NGLY1: variants seen among roughly 807,000 people sequenced by gnomAD.
NGLY1 encodes peptide-N(4)-(N-acetyl-beta-glucosaminyl)asparagine amidase.
NGLY1 carries 68 observed loss-of-function variants against 84.6 expected under a neutral mutation model. The ratio of observed to expected loss-of-function variants is 0.80; its 90% CI spans 0.66 to 0.98. The LOEUF (loss-of-function observed/expected upper bound fraction) is 0.98, where lower values mean the gene tolerates loss of function less well. NGLY1 is among the 50% of genes least tolerant of loss of function. The pLI, the probability that NGLY1 is intolerant of heterozygous loss-of-function variation, is 0.00. For synonymous variants in NGLY1, 280 were observed against 275.2 expected (o/e 1.02, Z -0.17); for missense variants, 779 against 770.2 (o/e 1.01, Z -0.14).
At chr3:25,763,412 G>C (rs975832236) in intron 3 of NGLY1, among the ~76,000 whole-genome samples, 1 of 152,164 alleles carries the variant, frequency 6.6e-6, no homozygotes, top group African/African-American at 2.4e-5. Flanking sequence ...TGTTAAGTGA[G>C]CTTCTGTAAC....
At chr3:25,755,453 G>GTTGAGT in intron 3 of NGLY1, 1 of 1,467,154 alleles carries the variant, frequency 6.8e-7, no homozygotes, top group Non-Finnish European at 9.6e-7. Context: ...TCCAATGTCA[G>GTTGAGT]TGACAAGCCA....
chr3:25,749,324 A>G (rs931576599), intron 4 of NGLY1, among the ~76,000 whole-genome samples: 1 of 152,278 alleles, frequency 6.6e-6, no homozygotes, highest in Non-Finnish European at 1.5e-5. Context: ...TATTCACAAT[A>G]GCCAAAATAT....
chr3:25,728,665 T>C (rs1477028643), intron 10 of NGLY1, among the ~76,000 whole-genome samples: 1 of 152,112 alleles, frequency 6.6e-6, no homozygotes, highest in Non-Finnish European at 1.5e-5. Flanking sequence ...TCATCCACAT[T>C]CTTTGAAGTG....
intron 5 of NGLY1, 90 bp downstream of exon 5, chr3:25,739,487 A>G (rs1442450040): frequency 8.1e-7 from 1 of 1,233,458 alleles, no homozygotes. Context: ...TATTTCTGAT[A>G]ATTAAATATT....
At chr3:25,751,025 T>C (rs1706717444) in intron 4 of NGLY1, 73 bp downstream of exon 4, 1 of 1,449,982 alleles carries the variant, frequency 6.9e-7, no homozygotes, top group Non-Finnish European at 9.4e-7. Flanking sequence ...CAAGGGTCAG[T>C]TGTATTTCAG....
chr3:25,766,381 A>C (rs892544958), intron 2 of NGLY1, among the ~76,000 whole-genome samples: 6 of 152,064 alleles, frequency 3.9e-5, no homozygotes, highest in African/African-American at 1.2e-4. Context: ...CTCACATGAA[A>C]ATACAAAGGC....
chr3:25,785,549 A>G (rs1575673396), upstream of NGLY1, among the ~76,000 whole-genome samples: 1 of 150,434 alleles, frequency 6.6e-6, no homozygotes, highest in Non-Finnish European at 1.5e-5. Flanking sequence ...ATAAAATTTT[A>G]GGGGCTGGAC....
At chr3:25,764,370 T>G in intron 2 of NGLY1, 59 bp from the exon 3 acceptor site, 1 of 1,533,842 alleles carries the variant, frequency 6.5e-7, no homozygotes, top group Non-Finnish European at 8.9e-7. Context: ...CATTCTTTTG[T>G]GCACACACAC....
At chr3:25,725,903 T>C (rs921480145) in intron 10 of NGLY1, among the ~76,000 whole-genome samples, 3 of 152,196 alleles carry the variant, frequency 2.0e-5, no homozygotes, top group African/African-American at 4.8e-5. Context: ...TTTACCCCCA[T>C]TAATCTAAAC....
chr3:25,741,469 TA>T (rs940009041), intron 4 of NGLY1, among the ~76,000 whole-genome samples: 6 of 151,134 alleles, frequency 4.0e-5, no homozygotes, highest in South Asian at 2.1e-4. Flanking sequence ...TATAGTTCAT[TA>T]AAAAAAAACT....
intron 1 of NGLY1, chr3:25,782,903 C>G: frequency 4.3e-6 from 1 of 234,240 alleles, no homozygotes; most frequent in Non-Finnish European, 8.5e-6. Flanking sequence ...CGTTGTGTCC[C>G]GATATCTGAG....
chr3:25,732,304 G>A lies in NGLY1; in HGVS notation c.1425+15C>T. 1.2e-6 allele frequency: 2 copies of A among 1,611,204 alleles called. No individual in the cohort carries two copies. The highest frequency in any genetic ancestry group is 1.7e-6 in the Non-Finnish European group (2 of 1,178,290). ...GGAAAGTAAAAGGATCATCATGCTA[G>A]AATGAATTAAATACCTGTAGACCCA... On this transcript the variant is annotated intron_variant, in intron 9 of 11. Coordinates refer to ENST00000280700, the MANE Select transcript of NGLY1 (RefSeq NM_018297.4).
At chr3:25,737,559 T>C (rs75647685) in intron 5 of NGLY1, 104 bp from the exon 6 acceptor site, 1 of 1,124,682 alleles carries the variant, frequency 8.9e-7, no homozygotes, top group African/African-American at 1.6e-5. Context: ...TTTTTTTTTT[T>C]TGAGACGGAG....
chr3:25,722,686 C>A (rs1705063011), intron 10 of NGLY1, among the ~76,000 whole-genome samples: 1 of 152,198 alleles, frequency 6.6e-6, no homozygotes, highest in African/African-American at 2.4e-5. Flanking sequence ...TTGCTCCACT[C>A]AAGTTTGGAC....
Position 25,734,014 on chromosome 3 carries a change from C to G in NGLY1, c.1150-32G>C, listed in dbSNP as rs1380550655. The stretch of plus-strand genomic sequence containing the variant: ...CAAATAACAGAATACAAATACTTAA[C>G]AAGATTACAACCATCAACCTTTACT... On this transcript the variant is annotated intron_variant, in intron 7 of 11. Coordinates refer to ENST00000280700, the MANE Select transcript of NGLY1 (RefSeq NM_018297.4). 4.4e-6 allele frequency: 7 copies of G among 1,605,766 alleles called. No individual in the cohort carries two copies. In the Admixed American group the frequency reaches 8.4e-5, roughly 19 times the overall value.
At chr3:25,754,572 G>C (rs1706933051) in intron 3 of NGLY1, among the ~76,000 whole-genome samples, 1 of 152,018 alleles carries the variant, frequency 6.6e-6, no homozygotes, top group Admixed American at 6.6e-5. Context: ...CCACTATGCA[G>C]AGAAAGCAGG....
At chr3:25,756,713 A>T (rs990579168) in intron 3 of NGLY1, among the ~76,000 whole-genome samples, 2 of 152,182 alleles carry the variant, frequency 1.3e-5, no homozygotes, top group African/African-American at 4.8e-5. Flanking sequence ...TATAATTCAG[A>T]TCACATTTTT....
intron 10 of NGLY1, among the ~76,000 whole-genome samples, chr3:25,720,983 C>T (rs2125444305): frequency 6.6e-6 from 1 of 152,176 alleles, no homozygotes; most frequent in Admixed American, 6.5e-5. Flanking sequence ...GGAAAGAAAC[C>T]CCTTCCTCAC....
intron 2 of NGLY1, 162 bp downstream of exon 2, chr3:25,778,412 G>C (rs1465991227): frequency 8.8e-6 from 4 of 456,732 alleles, no homozygotes; most frequent in Admixed American, 4.0e-5. Context: ...AACTATACTT[G>C]TTGTGATTTT....
Sources: gnomAD v4.1 joint callset for allele counts (sites outside exome capture counted in the v4.1 genomes callset) on GRCh38, gnomAD v4.1.1 for gene constraint, MANE v1.5 for transcripts, NCBI Gene and HGNC (gene_info 2026-07-23, HGNC 2026-07-21) for gene names.